The following PALM2AKAP2 variants were observed in gnomAD, a reference collection of about 807,000 sequenced individuals.
PALM2AKAP2 encodes PALM2 and AKAP2 fusion.
PALM2AKAP2 carries 37 observed loss-of-function variants against 71.5 expected under a neutral mutation model. The ratio of observed to expected loss-of-function variants is 0.52; its 90% CI spans 0.40 to 0.68. The LOEUF (loss-of-function observed/expected upper bound fraction) is 0.68, where lower values mean the gene tolerates loss of function less well. Ranked by LOEUF, PALM2AKAP2 falls within the 30% of genes least tolerant of loss-of-function variation. PALM2AKAP2 has a pLI of 0.00. For missense variants in PALM2AKAP2, 1,224 were observed against 1,191.8 expected (o/e 1.03, Z -0.40); for synonymous variants, 468 against 478.8 (o/e 0.98, Z 0.29).
chr9:109,950,941 T>C (rs1252412548), intron 6 of PALM2AKAP2, among the ~76,000 whole-genome samples: 1 of 152,248 alleles, frequency 6.6e-6, no homozygotes. Context: ...CAGGTCTTGA[T>C]ATACACAGAG....
intron 6 of PALM2AKAP2, among the ~76,000 whole-genome samples, chr9:109,978,928 G>A (rs1167775864): frequency 6.6e-6 from 1 of 152,080 alleles, no homozygotes; most frequent in African/African-American, 2.4e-5. Context: ...ACAGGAGGCA[G>A]GTACCACTGG....
chr9:109,679,250 G>C (rs1429190233), intron 1 of PALM2AKAP2, among the ~76,000 whole-genome samples: 1 of 152,204 alleles, frequency 6.6e-6, no homozygotes, highest in Admixed American at 6.5e-5. Flanking sequence ...CTCAGAAATA[G>C]CTGTTGCAGA....
chr9:109,693,248 A>C (rs1405127556), intron 1 of PALM2AKAP2, among the ~76,000 whole-genome samples: 1 of 151,832 alleles, frequency 6.6e-6, no homozygotes, highest in African/African-American at 2.4e-5. Flanking sequence ...TCTTTGTCAA[A>C]TTTGTTGTCA....
At chr9:110,090,402 TTC>T (rs1224380822) in intron 1 of PALM2AKAP2, 2 of 456,758 alleles carry the variant, frequency 4.4e-6, no homozygotes, top group Admixed American at 2.3e-5. Context: ...CTGGATGCTG[TTC>T]TCTCTCTTCA....
intron 6 of PALM2AKAP2, among the ~76,000 whole-genome samples, chr9:109,948,812 A>G (rs1242615643): frequency 6.6e-6 from 1 of 152,228 alleles, no homozygotes; most frequent in Non-Finnish European, 1.5e-5. Context: ...TTATTTTCCT[A>G]TGGTTAATGT....
chr9:110,079,695 T>A (rs1834400926), intron 1 of PALM2AKAP2, among the ~76,000 whole-genome samples: 1 of 152,140 alleles, frequency 6.6e-6, no homozygotes, highest in South Asian at 2.1e-4. Flanking sequence ...ATTCTATGTA[T>A]CTGTCTAGAA....
chr9:110,136,188 C>G (rs766784643), exon 2 of PALM2AKAP2: 1 of 1,612,506 alleles, frequency 6.2e-7, no homozygotes, highest in Admixed American at 1.7e-5. Flanking sequence ...AACTATAGTG[C>G]CACCCTCCTG....
At chr9:109,800,434 G>C (rs1484623778) in intron 1 of PALM2AKAP2, among the ~76,000 whole-genome samples, 1 of 152,286 alleles carries the variant, frequency 6.6e-6, no homozygotes, top group Admixed American at 6.5e-5. Flanking sequence ...CCCAAGACCG[G>C]GTAGCTGAGT....
At chr9:109,760,142 T>A (rs1564137500) in intron 1 of PALM2AKAP2, among the ~76,000 whole-genome samples, 2 of 152,186 alleles carry the variant, frequency 1.3e-5, no homozygotes, top group Non-Finnish European at 2.9e-5. Flanking sequence ...ATGAAAAGAA[T>A]CATGCATCCT....
chr9:110,016,100 G>A, intron 7 of PALM2AKAP2, 61 bp downstream of exon 7: 1 of 1,538,166 alleles, frequency 6.5e-7, no homozygotes, highest in Non-Finnish European at 8.9e-7. Flanking sequence ...GCAGCCGATG[G>A]CAGGTTTTTC....
chr9:109,836,878 G>A (rs1192707083), intron 1 of PALM2AKAP2, among the ~76,000 whole-genome samples: 1 of 152,230 alleles, frequency 6.6e-6, no homozygotes, highest in Non-Finnish European at 1.5e-5. Context: ...GTGCGACTAT[G>A]TGAAAAAAAC....
At chr9:109,816,280 A>G (rs1277290835) in intron 1 of PALM2AKAP2, among the ~76,000 whole-genome samples, 1 of 152,230 alleles carries the variant, frequency 6.6e-6, no homozygotes, top group Non-Finnish European at 1.5e-5. Flanking sequence ...ACGAGGAGGC[A>G]AGATTGTTGA....
chr9:110,040,347 A>C (rs990275965), intron 7 of PALM2AKAP2, among the ~76,000 whole-genome samples: 1 of 152,212 alleles, frequency 6.6e-6, no homozygotes, highest in Non-Finnish European at 1.5e-5. Context: ...ATGCCTTCAT[A>C]ATATTGTCCC....
chr9:109,999,298 C>T (rs1282798549), intron 6 of PALM2AKAP2, among the ~76,000 whole-genome samples: 1 of 151,648 alleles, frequency 6.6e-6, no homozygotes, highest in African/African-American at 2.4e-5. Context: ...AAGATCACAC[C>T]AAGATCACAC....
At chr9:109,740,277 G>A (rs968222945) in intron 1 of PALM2AKAP2, among the ~76,000 whole-genome samples, 10 of 152,204 alleles carry the variant, frequency 6.6e-5, no homozygotes, top group African/African-American at 2.2e-4. Context: ...AAAAGGGACA[G>A]ATAATAAACA....
chr9:109,965,385 CAATGGAATATTATTCAGCCATAAAAGG>C (rs1326403125), intron 6 of PALM2AKAP2, among the ~76,000 whole-genome samples: 1 of 152,084 alleles, frequency 6.6e-6, no homozygotes, highest in Non-Finnish European at 1.5e-5. Context: ...TATATCCCTA[CAATGGAATATTATTCAGCCATAAAAGG>C]AATGAAATTT....
intron 1 of PALM2AKAP2, among the ~76,000 whole-genome samples, chr9:109,814,973 T>C (rs1227238803): frequency 6.6e-6 from 1 of 152,140 alleles, no homozygotes; most frequent in Admixed American, 6.5e-5. Context: ...AGTACTCCAC[T>C]GTAGTATATG....
At chr9:110,156,767 G>C (rs1452254597) in intron 3 of PALM2AKAP2, among the ~76,000 whole-genome samples, 4 of 152,176 alleles carry the variant, frequency 2.6e-5, no homozygotes, top group Non-Finnish European at 5.9e-5. Flanking sequence ...TAAGATGTTT[G>C]GTGCATAGAA....
chr9:109,860,916 G>A (rs1426517491), intron 1 of PALM2AKAP2, among the ~76,000 whole-genome samples: 1 of 152,182 alleles, frequency 6.6e-6, no homozygotes, highest in East Asian at 1.9e-4. Flanking sequence ...AGCTCACATG[G>A]AAGGAAGTCA....
Sources: allele counts gnomAD v4.1 joint callset (sites outside exome capture counted in the v4.1 genomes callset), GRCh38; gene constraint gnomAD v4.1.1; transcripts MANE v1.5; gene names NCBI Gene and HGNC (gene_info 2026-07-23, HGNC 2026-07-21).